CLEC12B: variants seen among roughly 807,000 people sequenced by gnomAD.
CLEC12B encodes macrophage antigen h.
CLEC12B carries 25 observed loss-of-function variants against 36.1 expected under a neutral mutation model. The observed-to-expected ratio is 0.69, with a 90% CI of 0.50 to 0.97. The LOEUF (loss-of-function observed/expected upper bound fraction) is 0.97, where lower values mean the gene tolerates loss of function less well. Among genes scored for constraint, CLEC12B ranks in the 50% least tolerant of loss-of-function variants. The pLI is 0.00. For synonymous variants in CLEC12B, 110 were observed against 108.5 expected (o/e 1.01, Z -0.09); for missense variants, 325 against 318.4 (o/e 1.02, Z -0.16).
chr12:10,008,675 A>G (rs1256954050), upstream of CLEC12B, among the ~76,000 whole-genome samples: 2 of 152,226 alleles, frequency 1.3e-5, no homozygotes, highest in African/African-American at 4.8e-5. Flanking sequence ...TAGATGATAT[A>G]GCTTTTTGGA....
At chr12:10,014,875 C>A in intron 3 of CLEC12B, 134 bp downstream of exon 3, 1 of 655,816 alleles carries the variant, frequency 1.5e-6, no homozygotes, top group Non-Finnish European at 2.7e-6. Context: ...ACTAAATTTA[C>A]ACACAGCAAG....
Position 10,018,370 on chromosome 12 carries a change from A to G in CLEC12B, c.720A>G (p.Lys240=). 2 of 1,531,656 alleles carry G rather than the reference A, an allele frequency of 1.3e-6. No individual in the cohort carries two copies. Among genetic ancestry groups the G allele is most frequent in the Non-Finnish European group, 1.8e-6 (2 of 1,129,824 alleles). The allele number at this position is 1,531,656 out of a possible 1,614,324, so 94.9% of individuals were successfully genotyped here. ...AACTTGACCAGATCAATGGATCCAA[A>G]GGATGTGCTTATTTTCAAAAAGGAA... is the stretch of plus-strand genomic sequence containing the variant. ...TKELDQINGS[K]GCAYFQKGNI... The change falls in exon 6 of 6, where the codon AAA becomes AAG. Residue 240 remains lysine, a synonymous_variant. Transcript: ENST00000338896.
intron 5 of CLEC12B, chr12:10,017,630 A>G: frequency 1.0e-6 from 1 of 986,030 alleles, no homozygotes; most frequent in Non-Finnish European, 1.2e-6. Context: ...CTACTGAGTA[A>G]AGGCCAAGGC....
rs111448083 is a variant in CLEC12B, at chr12:10,014,705, A to T, written c.373A>T (p.Ile125Phe). 20 of 1,613,568 alleles carry T rather than the reference A, an allele frequency of 1.2e-5. No homozygotes were observed. Among genetic ancestry groups the T allele is most frequent in the African/African-American group, 2.7e-5 (2 of 75,020 alleles). The change falls in exon 3 of 6, where the codon ATC becomes TTC. Residue 125 changes from isoleucine to phenylalanine, a missense_variant. By Grantham distance (21) the Ile-to-Phe change is conservative. Transcript: ENST00000338896. ...SVLKRQEQMA[I>F]KLCQELIIHT... ...ACTGAAGAGGCAGGAACAAATGGCCATCAAACTGTGCCAAGAGCTAATCAT... is the reference window on the plus strand; with the variant it reads ...ACTGAAGAGGCAGGAACAAATGGCCTTCAAACTGTGCCAAGAGCTAATCAT...
At chr12:10,017,467 CACTCTT>C (rs1399057639) in intron 5 of CLEC12B, 2 of 985,388 alleles carry the variant, frequency 2.0e-6, no homozygotes, top group Non-Finnish European at 2.4e-6. Context: ...CCTCTCTACT[CACTCTT>C]AATCAAAGTG....
chr12:10,015,498 G>C, intron 4 of CLEC12B, 92 bp downstream of exon 4: 1 of 1,553,590 alleles, frequency 6.4e-7, no homozygotes, highest in African/African-American at 1.4e-5. Context: ...TGGAAATTCA[G>C]TGCATCTTGA....
intron 5 of CLEC12B, chr12:10,016,010 G>A: frequency 1.8e-6 from 2 of 1,088,610 alleles, no homozygotes; most frequent in Non-Finnish European, 1.1e-6. Context: ...AACCCTTGAA[G>A]AAAGCAGTTA....
rs1198007990 is a variant in CLEC12B, at chr12:10,018,393, G to A, written c.743G>A (p.Gly248Glu). The A allele has an allele frequency of 1.9e-6, 3 of 1,546,494 alleles. No individual in the cohort carries two copies. In the East Asian group the frequency reaches 7.3e-5, roughly 38 times the overall value. The change falls in exon 6 of 6, where the codon GGA (glycine) becomes GAA (glutamate). Residue 248 changes from glycine (G) to glutamate (E), a missense_variant. Transcript: ENST00000338896. ...AAAGGATGTGCTTATTTTCAAAAAG[G>A]AAATATTTATATTTCTCGCTGTAGT... ...GSKGCAYFQK[G>E]NIYISRCSAE...
chr12:10,008,188 G>C (rs1292435895), upstream of CLEC12B, among the ~76,000 whole-genome samples: 1 of 152,208 alleles, frequency 6.6e-6, no homozygotes, highest in African/African-American at 2.4e-5. Context: ...ACCTGTGGCT[G>C]TTAAGTACCT....
chr12:10,017,713 C>A, intron 5 of CLEC12B: 1 of 905,902 alleles, frequency 1.1e-6, no homozygotes, highest in Non-Finnish European at 1.3e-6. Context: ...TAGAAAAAAA[C>A]AATGTTGGGC....
At chr12:10,015,101 G>T (rs1334895126) in intron 3 of CLEC12B, 151 bp from the exon 4 acceptor site, 8 of 683,844 alleles carry the variant, frequency 1.2e-5, no homozygotes, top group African/African-American at 1.8e-5. Flanking sequence ...ATAACCAGGG[G>T]TCACTTTTTT....
At chr12:10,007,073 A>G (rs1865238439), upstream of CLEC12B, among the ~76,000 whole-genome samples, 1 of 151,882 alleles carries the variant, frequency 6.6e-6, no homozygotes, top group South Asian at 2.1e-4. Flanking sequence ...AAAAGAAAGA[A>G]TAAAAATAAA....
chr12:10,007,034 A>G (rs9300223), upstream of CLEC12B, among the ~76,000 whole-genome samples: 53,061 of 151,576 alleles, frequency 0.35, 9,621 homozygotes, highest in Middle Eastern at 0.38. Flanking sequence ...CAGCCTGGGC[A>G]ACAGAGCTAG....
At chr12:10,007,228 T>C (rs958101564), upstream of CLEC12B, among the ~76,000 whole-genome samples, 5 of 151,990 alleles carry the variant, frequency 3.3e-5, no homozygotes, top group Admixed American at 2.0e-4. Context: ...GAACAAAAGA[T>C]GGCTTCTGCT....
Position 10,010,721 on chromosome 12 carries a change from A to T in CLEC12B, c.-39A>T, listed in dbSNP as rs781143535. ...TGTTCCCAGGCCTCAAGATATTGAAACATTAATTAGATAATTTAAAGTAGC... is the reference window on the plus strand; with the variant it reads ...TGTTCCCAGGCCTCAAGATATTGAATCATTAATTAGATAATTTAAAGTAGC... On this transcript the variant is annotated 5_prime_UTR_variant, in exon 1 of 6. Coordinates refer to ENST00000338896, the MANE Select transcript of CLEC12B (RefSeq NM_001129998.3). 11 of 1,338,696 alleles carry T rather than the reference A, an allele frequency of 8.2e-6. No homozygotes were observed. Among genetic ancestry groups the T allele is most frequent in the Non-Finnish European group, 1.1e-5 (10 of 936,854 alleles). The allele number at this position is 1,338,696 out of a possible 1,614,324, so 82.9% of individuals were successfully genotyped here.
chr12:10,015,922 T>C (rs1865475233), intron 5 of CLEC12B, 195 bp downstream of exon 5: 1 of 1,385,398 alleles, frequency 7.2e-7, no homozygotes, highest in Admixed American at 3.2e-5. Flanking sequence ...AGGCACTGAA[T>C]TTTATCTTTT....
In CLEC12B at chr12:10,014,559, A is replaced by G. The variant is rs1234069450; in HGVS notation, c.227A>G (p.Glu76Gly). ...QISNDINSDS[E>G]KLSQLQKTIQ... ...TCTAATGACATTAACTCAGATTCAG[A>G]GAAATTGAGTCAACTTCAGAAAACC... The change falls in exon 3 of 6, where the codon GAG becomes GGG. Residue 76 changes from glutamate to glycine, a missense_variant. Glu to Gly is a moderately conservative substitution (Grantham distance 98). Coordinates refer to ENST00000338896, the MANE Select transcript of CLEC12B (RefSeq NM_001129998.3). 3 of 1,613,518 alleles carry G rather than the reference A, an allele frequency of 1.9e-6. No homozygotes were observed. Among genetic ancestry groups the G allele is most frequent in the Admixed American group, 3.3e-5 (2 of 59,956 alleles).
At chr12:10,010,084 C>T (rs1263786395), upstream of CLEC12B, among the ~76,000 whole-genome samples, 1 of 151,960 alleles carries the variant, frequency 6.6e-6, no homozygotes, top group African/African-American at 2.4e-5. Context: ...GAGGGCACTC[C>T]CATTCATACT....
At chr12:10,014,381 TG>T (rs1469373046) in intron 2 of CLEC12B, 141 bp from the exon 3 acceptor site, 14 of 554,740 alleles carry the variant, frequency 2.5e-5, no homozygotes, top group Non-Finnish European at 3.5e-5. Context: ...GAAAGGCATC[TG>T]GTTTGTTTCT....
Sources: gnomAD v4.1 joint callset for allele counts (sites outside exome capture counted in the v4.1 genomes callset) on GRCh38, gnomAD v4.1.1 for gene constraint, MANE v1.5 for transcripts, NCBI Gene and HGNC (gene_info 2026-07-23, HGNC 2026-07-21) for gene names.